EYA1: variants seen among roughly 807,000 people sequenced by gnomAD.
EYA1 encodes the protein EYA transcriptional coactivator and phosphatase 1, also known as protein phosphatase EYA1.
In EYA1, 16 loss-of-function variants were observed where a neutral mutation model predicts 82.0. The ratio of observed to expected loss-of-function variants is 0.20; its 90% CI spans 0.13 to 0.30. The LOEUF (loss-of-function observed/expected upper bound fraction) is 0.30. EYA1 is among the 10% of genes least tolerant of loss of function. The pLI is 1.00. For missense variants in EYA1, 633 were observed against 730.7 expected (o/e 0.87, Z 1.54); for synonymous variants, 261 against 264.4 (o/e 0.99, Z 0.12).
upstream of EYA1, among the ~76,000 whole-genome samples, chr8:71,366,218 G>A (rs1827744670): frequency 6.6e-6 from 1 of 151,952 alleles, no homozygotes. Context: ...GTGATAGCAA[G>A]GGCAGTGGCA....
intron 2 of EYA1, among the ~76,000 whole-genome samples, chr8:71,376,943 T>A (rs1484961898): frequency 1.3e-5 from 2 of 152,110 alleles, no homozygotes; most frequent in African/African-American, 4.8e-5. Context: ...ATGCTCACTC[T>A]TGTCTCTGTG....
At chr8:71,322,334 G>C in intron 4 of EYA1, 66 bp from the exon 5 acceptor site, 1 of 1,342,328 alleles carries the variant, frequency 7.4e-7, no homozygotes. Context: ...TATATAGAAA[G>C]CACTGACATA....
At chr8:71,199,685 G>A (rs774239039) in intron 17 of EYA1, among the ~76,000 whole-genome samples, 1 of 152,238 alleles carries the variant, frequency 6.6e-6, no homozygotes, top group African/African-American at 2.4e-5. Flanking sequence ...ACTGTGACTT[G>A]AATGCCAATT....
At chr8:71,454,581 A>G (rs919903276) in intron 2 of EYA1, among the ~76,000 whole-genome samples, 44 of 152,224 alleles carry the variant, frequency 2.9e-4, no homozygotes, top group African/African-American at 1.1e-3. Flanking sequence ...CTCAGACCAC[A>G]GTGCAATCAA....
intron 2 of EYA1, chr8:71,404,260 C>G (rs1830100079): frequency 6.6e-6 from 1 of 152,218 alleles, no homozygotes; most frequent in Non-Finnish European, 1.5e-5. Flanking sequence ...CATTGAAAAG[C>G]CCCAGCAAGA....
intron 12 of EYA1, among the ~76,000 whole-genome samples, chr8:71,237,953 A>G (rs1274019681): frequency 1.3e-5 from 2 of 152,154 alleles, no homozygotes; most frequent in Non-Finnish European, 2.9e-5. Flanking sequence ...AGAAATGTTT[A>G]TTGTTATAAA....
In EYA1 at chr8:71,215,429, T is replaced by C; in HGVS notation, c.1555A>G (p.Ile519Val). 1 of 1,612,874 alleles carries C rather than the reference T, an allele frequency of 6.2e-7. No homozygotes were observed. The highest frequency in any genetic ancestry group is 8.5e-7 in the Non-Finnish European group (1 of 1,178,796). ...TAAATATTTTCTATTGGAAATACAA[T>C]TCCTAACCCATACAGCAGGACTTTC... ...LAKVLLYGLG[I>V]VFPIENIYSA... is the part of the protein sequence containing the mutation. The change falls in exon 16 of 18, where the codon ATT becomes GTT. Residue 519 changes from isoleucine to valine, a missense_variant. Physicochemically the swap from Ile to Val is conservative, Grantham distance 29. Transcript: ENST00000340726.
chr8:71,453,923 T>C (rs920190449), intron 2 of EYA1, among the ~76,000 whole-genome samples: 4 of 152,134 alleles, frequency 2.6e-5, no homozygotes, highest in African/African-American at 9.7e-5. Flanking sequence ...CATAACAATA[T>C]TACCCTTAAA....
intron 6 of EYA1, among the ~76,000 whole-genome samples, chr8:71,318,511 C>T (rs545569398): frequency 8.5e-5 from 13 of 152,120 alleles, no homozygotes; most frequent in Admixed American, 2.0e-4. Context: ...AGGCTAACAT[C>T]GTAATTTTGG....
At chr8:71,515,749 G>A (rs4472552) in intron 2 of EYA1, among the ~76,000 whole-genome samples, 103,362 of 152,032 alleles carry the variant, frequency 0.68, 37,098 homozygotes, top group East Asian at 0.92. Context: ...ACAATAGTCC[G>A]TTGAACATTA....
At chr8:71,212,905 C>T (rs1398992812) in intron 16 of EYA1, among the ~76,000 whole-genome samples, 7 of 152,042 alleles carry the variant, frequency 4.6e-5, no homozygotes, top group African/African-American at 1.4e-4. Context: ...GGAGAAACCC[C>T]GTCTCTACTA....
At chr8:71,310,095 A>G (rs146207599) in intron 7 of EYA1, among the ~76,000 whole-genome samples, 9 of 152,256 alleles carry the variant, frequency 5.9e-5, no homozygotes, top group Non-Finnish European at 1.2e-4. Context: ...GTCCTATACC[A>G]TTATTGATAT....
rs1270544806 is a variant in EYA1, at chr8:71,198,220, A to G, written c.*1120T>C. 3 of 152,638 alleles carry G rather than the reference A, an allele frequency of 2.0e-5. No individual in the cohort carries two copies. The highest frequency in any genetic ancestry group is 4.8e-5 in the African/African-American group (2 of 41,456). The allele number at this position is 152,638 out of a possible 1,614,324, so 9.5% of individuals were successfully genotyped here. On this transcript the variant is annotated 3_prime_UTR_variant, in exon 18 of 18. Coordinates refer to ENST00000340726, the MANE Select transcript of EYA1 (RefSeq NM_000503.6). Reference sequence around the variant, plus strand: ...ATCTATATTCTTTGTGGGAAGAAGCATTTGAATAATTATTTTTTCCAAGTA... The same window carrying G: ...ATCTATATTCTTTGTGGGAAGAAGCGTTTGAATAATTATTTTTTCCAAGTA...
At chr8:71,489,584 T>A (rs1303489898) in intron 2 of EYA1, among the ~76,000 whole-genome samples, 1 of 152,240 alleles carries the variant, frequency 6.6e-6, no homozygotes, top group Non-Finnish European at 1.5e-5. Flanking sequence ...TGTATGTTTT[T>A]GAACAGTTCT....
At chr8:71,293,413 G>C (rs1232778148) in intron 9 of EYA1, among the ~76,000 whole-genome samples, 1 of 152,062 alleles carries the variant, frequency 6.6e-6, no homozygotes, top group Non-Finnish European at 1.5e-5. Context: ...GAAGCAGAGG[G>C]AACATTTTGT....
chr8:71,368,857 A>G (rs1361803306), intron 2 of EYA1, among the ~76,000 whole-genome samples: 1 of 151,998 alleles, frequency 6.6e-6, no homozygotes, highest in Admixed American at 6.6e-5. Flanking sequence ...CGAATGACTT[A>G]TACGTGAAAA....
intron 12 of EYA1, among the ~76,000 whole-genome samples, chr8:71,218,649 C>T (rs1346823572): frequency 6.6e-6 from 1 of 152,098 alleles, no homozygotes; most frequent in Non-Finnish European, 1.5e-5. Context: ...ACAGGTCATT[C>T]TTGGAAAACG....
chr8:71,523,265 G>C (rs537604213), intron 2 of EYA1, among the ~76,000 whole-genome samples: 1 of 136,554 alleles, frequency 7.3e-6, no homozygotes, highest in Non-Finnish European at 1.5e-5. Flanking sequence ...TGCAAGCTCC[G>C]CCTCCCAGGT....
At chr8:71,367,552 G>GA (rs3066860) in intron 2 of EYA1, among the ~76,000 whole-genome samples, 190 of 135,670 alleles carry the variant, frequency 1.4e-3, no homozygotes, top group East Asian at 0.013. Context: ...TCCCAAATCG[G>GA]AAAAAAAAAA....
Sources: allele counts gnomAD v4.1 joint callset (sites outside exome capture counted in the v4.1 genomes callset), GRCh38; gene constraint gnomAD v4.1.1; transcripts MANE v1.5; gene names NCBI Gene and HGNC (gene_info 2026-07-23, HGNC 2026-07-21).